FOXP1: variants seen among roughly 807,000 people sequenced by gnomAD.
The protein encoded by FOXP1 is forkhead box P1, also known as forkhead box protein P1.
In FOXP1, 15 loss-of-function variants were observed where a neutral mutation model predicts 98.2. That is an observed-to-expected ratio of 0.15 (90% CI 0.10 to 0.24). The LOEUF (loss-of-function observed/expected upper bound fraction) is 0.24. Ranked by LOEUF, FOXP1 falls within the 10% of genes least tolerant of loss-of-function variation. The pLI, the probability that FOXP1 is intolerant of heterozygous loss-of-function variation, is 1.00. For synonymous variants in FOXP1, 371 were observed against 314.5 expected (o/e 1.18, Z -1.90); for missense variants, 633 against 848.5 (o/e 0.75, Z 3.15).
At chr3:71,432,442 C>T (rs1269837559) in intron 3 of FOXP1, among the ~76,000 whole-genome samples, 1 of 152,192 alleles carries the variant, frequency 6.6e-6, no homozygotes, top group Non-Finnish European at 1.5e-5. Context: ...TGACGCACCC[C>T]TCCCGGGCCC....
intron 1 of FOXP1, chr3:71,582,255 C>T: frequency 1.0e-6 from 1 of 985,236 alleles, no homozygotes; most frequent in Non-Finnish European, 1.2e-6. Flanking sequence ...AAGAAGGAAT[C>T]TAAGTTTCCG....
chr3:71,222,926 C>T (rs2065511742), intron 5 of FOXP1, among the ~76,000 whole-genome samples: 1 of 152,220 alleles, frequency 6.6e-6, no homozygotes, highest in Admixed American at 6.5e-5. Flanking sequence ...AGGTCACTGT[C>T]AACTCCTTTG....
chr3:71,046,531 A>G (rs946778856), intron 10 of FOXP1, among the ~76,000 whole-genome samples: 2 of 152,260 alleles, frequency 1.3e-5, no homozygotes, highest in African/African-American at 4.8e-5. Context: ...TGGCATTTAT[A>G]AAGCATTACT....
intron 2 of FOXP1, among the ~76,000 whole-genome samples, chr3:71,580,042 T>G (rs1002628764): frequency 1.3e-5 from 2 of 152,000 alleles, no homozygotes; most frequent in Non-Finnish European, 2.9e-5. Context: ...TGCTGCTTGA[T>G]CGAATAGTCC....
At chr3:71,402,159 A>G (rs1165101450) in intron 3 of FOXP1, among the ~76,000 whole-genome samples, 1 of 152,202 alleles carries the variant, frequency 6.6e-6, no homozygotes, top group African/African-American at 2.4e-5. Context: ...TATTGCTTTA[A>G]AAATAAAATC....
chr3:71,325,475 G>C (rs2075636656), intron 4 of FOXP1, among the ~76,000 whole-genome samples: 1 of 77,448 alleles, frequency 1.3e-5, no homozygotes, highest in Non-Finnish European at 3.5e-5. Context: ...TCCTTCTATG[G>C]TTTATGAACC....
At chr3:71,035,820 T>A (rs1028741964) in intron 11 of FOXP1, among the ~76,000 whole-genome samples, 5 of 151,662 alleles carry the variant, frequency 3.3e-5, no homozygotes, top group Non-Finnish European at 7.4e-5. Flanking sequence ...TAATGGGAGC[T>A]AGAGTTTACT....
intron 3 of FOXP1, among the ~76,000 whole-genome samples, chr3:71,415,833 T>A (rs142105993): frequency 6.6e-6 from 1 of 152,144 alleles, no homozygotes; most frequent in African/African-American, 2.4e-5. Context: ...ACCTCAGCCC[T>A]GTAACATAAA....
At chr3:71,567,357 G>A (rs1465732391) in intron 2 of FOXP1, among the ~76,000 whole-genome samples, 6 of 151,914 alleles carry the variant, frequency 3.9e-5, no homozygotes, top group African/African-American at 9.7e-5. Context: ...CACTGCCACC[G>A]AGATAAACCG....
intron 2 of FOXP1, among the ~76,000 whole-genome samples, chr3:71,579,970 G>A (rs374569552): frequency 2.0e-5 from 3 of 151,936 alleles, no homozygotes; most frequent in Non-Finnish European, 4.4e-5. Context: ...GTGAGCCTTC[G>A]CTTGCACAAC....
intron 5 of FOXP1, among the ~76,000 whole-genome samples, chr3:71,200,083 C>CAAAAAAAAAAAAA (rs61281811): frequency 2.6e-5 from 2 of 76,110 alleles, no homozygotes; most frequent in Non-Finnish European, 4.7e-5. Context: ...CTCCATCTCA[C>CAAAAAAAAAAAAA]AAAAAAAAAA....
intron 5 of FOXP1, among the ~76,000 whole-genome samples, chr3:71,229,067 G>C (rs1395750034): frequency 6.6e-6 from 1 of 151,578 alleles, no homozygotes; most frequent in Non-Finnish European, 1.5e-5. Flanking sequence ...AGGGGAAAGA[G>C]TTAAGTACAC....
intron 3 of FOXP1, among the ~76,000 whole-genome samples, chr3:71,380,560 C>G (rs926579401): frequency 1.3e-5 from 2 of 152,170 alleles, no homozygotes; most frequent in African/African-American, 4.8e-5. Flanking sequence ...ATGCATTGAG[C>G]ACGAAACATT....
At chr3:71,436,859 T>C (rs1390097875) in intron 3 of FOXP1, among the ~76,000 whole-genome samples, 1 of 152,174 alleles carries the variant, frequency 6.6e-6, no homozygotes, top group Non-Finnish European at 1.5e-5. Flanking sequence ...TTGACATCTA[T>C]CTAAAACACA....
intron 2 of FOXP1, among the ~76,000 whole-genome samples, chr3:71,502,453 G>A (rs888142437): frequency 1.1e-4 from 16 of 152,188 alleles, no homozygotes; most frequent in African/African-American, 3.6e-4. Context: ...ACTTTGAGGG[G>A]AGAGCTTTTT....
chr3:71,461,501 C>T (rs1422620670), intron 3 of FOXP1, among the ~76,000 whole-genome samples: 1 of 151,658 alleles, frequency 6.6e-6, no homozygotes, highest in Non-Finnish European at 1.5e-5. Flanking sequence ...CTCAAAAAAT[C>T]AAAAAGAAGA....
chr3:70,987,565 C>T (rs1303453299), intron 14 of FOXP1, among the ~76,000 whole-genome samples: 1 of 152,190 alleles, frequency 6.6e-6, no homozygotes, highest in African/African-American at 2.4e-5. Context: ...ACTACTACTC[C>T]CTGCTCTTTT....
At chr3:71,482,316 T>C (rs35483362) in intron 3 of FOXP1, among the ~76,000 whole-genome samples, 62,927 of 151,014 alleles carry the variant, frequency 0.42, 13,934 homozygotes, top group Non-Finnish European at 0.48. Context: ...AGTGCTAAGT[T>C]TATTTTTTGC....
At chr3:71,328,678 G>T (rs565218036) in intron 4 of FOXP1, among the ~76,000 whole-genome samples, 1 of 152,100 alleles carries the variant, frequency 6.6e-6, no homozygotes, top group South Asian at 2.1e-4. Flanking sequence ...TTGGCTAAAA[G>T]AATCTGACAG....
Sources: gnomAD v4.1 joint callset for allele counts (sites outside exome capture counted in the v4.1 genomes callset) on GRCh38, gnomAD v4.1.1 for gene constraint, MANE v1.5 for transcripts, NCBI Gene and HGNC (gene_info 2026-07-23, HGNC 2026-07-21) for gene names.